WWC2: variants seen among roughly 807,000 people sequenced by gnomAD.
WWC2 encodes protein WWC2.
WWC2 carries 101 observed loss-of-function variants against 138.5 expected under a neutral mutation model. That is an observed-to-expected ratio of 0.73 (90% CI 0.62 to 0.86). The LOEUF (loss-of-function observed/expected upper bound fraction) is 0.86, where lower values mean the gene tolerates loss of function less well. Ranked by LOEUF, WWC2 falls within the 40% of genes least tolerant of loss-of-function variation. WWC2 has a pLI of 0.00. For synonymous variants in WWC2, 558 were observed against 538.4 expected (o/e 1.04, Z -0.50); for missense variants, 1,420 against 1,419.4 (o/e 1.00, Z -0.01).
intron 1 of WWC2, among the ~76,000 whole-genome samples, chr4:183,192,731 A>G (rs1735024229): frequency 6.6e-6 from 1 of 152,154 alleles, no homozygotes; most frequent in Admixed American, 6.5e-5. Context: ...GTGCTAGTGC[A>G]TTAAATTAGA....
At chr4:183,259,428 G>T (rs964815210) in intron 9 of WWC2, among the ~76,000 whole-genome samples, 2 of 152,078 alleles carry the variant, frequency 1.3e-5, no homozygotes, top group African/African-American at 4.8e-5. Context: ...CAGTGACATG[G>T]TGATGGGGCA....
chr4:183,312,270 T>C (rs1385390559), intron 21 of WWC2, 71 bp from the exon 22 acceptor site: 2 of 1,580,762 alleles, frequency 1.3e-6, no homozygotes, highest in African/African-American at 2.7e-5. Context: ...TCTTTGAAGC[T>C]TCATAGGATG....
chr4:183,189,260 C>T (rs910696503), intron 1 of WWC2, among the ~76,000 whole-genome samples: 1 of 151,458 alleles, frequency 6.6e-6, no homozygotes, highest in Admixed American at 6.6e-5. Flanking sequence ...CATGGTGAAA[C>T]CCCGTCTCTA....
At chr4:183,254,068 C>A in intron 9 of WWC2, 69 bp downstream of exon 9, 1 of 1,548,808 alleles carries the variant, frequency 6.5e-7, no homozygotes, top group Non-Finnish European at 8.7e-7. Flanking sequence ...TACTATTTTC[C>A]CTGGGTTTGG....
At chr4:183,142,795 A>G (rs1399036915) in intron 1 of WWC2, among the ~76,000 whole-genome samples, 1 of 152,224 alleles carries the variant, frequency 6.6e-6, no homozygotes, top group African/African-American at 2.4e-5. Flanking sequence ...GCAGCAGGCT[A>G]ATGTTACCCA....
chr4:183,285,291 G>A (rs1049370802), intron 19 of WWC2, among the ~76,000 whole-genome samples: 21 of 152,140 alleles, frequency 1.4e-4, no homozygotes, highest in Non-Finnish European at 2.4e-4. Flanking sequence ...GGCCGAGAGC[G>A]TTCTAGATAG....
At chr4:183,308,448 C>T (rs36067373) in intron 21 of WWC2, among the ~76,000 whole-genome samples, 35,230 of 151,954 alleles carry the variant, frequency 0.23, 4,294 homozygotes, top group Non-Finnish European at 0.27. Context: ...GGAGGACTGA[C>T]GCTACCTGAC....
At chr4:183,171,832 ACTGACTTCCCGCC>A (rs1734293542) in intron 1 of WWC2, among the ~76,000 whole-genome samples, 1 of 152,226 alleles carries the variant, frequency 6.6e-6, no homozygotes, top group South Asian at 2.1e-4. Context: ...GATTTTGAGA[ACTGACTTCCCGCC>A]CTGGTTGAGG....
At chr4:183,242,093 A>G (rs1308719526) in intron 5 of WWC2, among the ~76,000 whole-genome samples, 7 of 152,214 alleles carry the variant, frequency 4.6e-5, no homozygotes, top group Non-Finnish European at 8.8e-5. Context: ...AACCGAGAGC[A>G]GAAAGATATG....
chr4:183,237,298 ATT>A (rs112907901), intron 4 of WWC2, among the ~76,000 whole-genome samples: 5 of 141,586 alleles, frequency 3.5e-5, no homozygotes, highest in African/African-American at 7.7e-5. Context: ...TTTAGGACTG[ATT>A]TTTTTTTTTT....
chr4:183,289,418 G>T lies in WWC2; in HGVS notation c.3167G>T (p.Arg1056Ile). 1.9e-6 allele frequency: 3 copies of T among 1,611,948 alleles called. No homozygotes were observed. Among genetic ancestry groups the T allele is most frequent in the South Asian group, 2.2e-5 (2 of 90,512 alleles). ...ACGGTTTGCCAGTCAGTCCTTAGAA[G>T]AACAACACAGGAATGCCCAGTGCGG... Reference protein sequence around the residue: ...KRTVCQSVLRRTTQECPVRTS... With the variant: ...KRTVCQSVLRITTQECPVRTS... Residue 1056 changes from arginine to isoleucine, a missense_variant, in exon 21 of 23, where the codon AGA becomes ATA. Transcript: ENST00000403733.
chr4:183,294,678 C>G (rs775004723), intron 21 of WWC2, among the ~76,000 whole-genome samples: 1 of 152,142 alleles, frequency 6.6e-6, no homozygotes, highest in Non-Finnish European at 1.5e-5. Flanking sequence ...TTGGCAGATC[C>G]GAACAGTATG....
At chr4:183,149,605 A>G (rs1437675775) in intron 1 of WWC2, among the ~76,000 whole-genome samples, 7 of 150,658 alleles carry the variant, frequency 4.6e-5, no homozygotes, top group Admixed American at 4.0e-4. Flanking sequence ...CTGGGCAACA[A>G]GAGTGAAACT....
chr4:183,191,902 T>C (rs2111207241), intron 1 of WWC2, among the ~76,000 whole-genome samples: 1 of 152,150 alleles, frequency 6.6e-6, no homozygotes, highest in South Asian at 2.1e-4. Flanking sequence ...TAATTTTTTA[T>C]TTTTTTAGAG....
chr4:183,271,680 C>T (rs2111383359), intron 16 of WWC2, among the ~76,000 whole-genome samples: 1 of 152,230 alleles, frequency 6.6e-6, no homozygotes, highest in African/African-American at 2.4e-5. Flanking sequence ...TCATTTGTAA[C>T]ATCAATAGCC....
intron 1 of WWC2, among the ~76,000 whole-genome samples, chr4:183,156,359 G>A (rs1261180666): frequency 7.8e-6 from 1 of 128,754 alleles, no homozygotes; most frequent in Non-Finnish European, 1.6e-5. Context: ...TTTTTGAGAC[G>A]GAGTCCCACT....
At chr4:183,168,847 A>G (rs1179039806) in intron 1 of WWC2, among the ~76,000 whole-genome samples, 1 of 152,112 alleles carries the variant, frequency 6.6e-6, no homozygotes, top group Non-Finnish European at 1.5e-5. Flanking sequence ...GGCATATAGT[A>G]TTATAATTTT....
intron 22 of WWC2, among the ~76,000 whole-genome samples, chr4:183,314,154 C>A (rs1739358256): frequency 6.6e-6 from 1 of 152,148 alleles, no homozygotes; most frequent in South Asian, 2.1e-4. Flanking sequence ...TTTCATTTTT[C>A]TGCAACACCC....
chr4:183,193,677 G>A lies in WWC2; in HGVS notation c.210G>A (p.Gln70=). ...GATGGGAAGCAGGGTTTGACCCTCA[G>A]ATTGGTGTCTACTACATCGATCACA... ...PWGWEAGFDP[Q]IGVYYIDHIN... The change falls in exon 2 of 23, where the codon CAG becomes CAA. Residue 70 remains glutamine, a synonymous_variant. Coordinates refer to ENST00000403733, the MANE Select transcript of WWC2 (RefSeq NM_024949.6). The A allele has an allele frequency of 6.2e-7, 1 of 1,613,828 alleles. No homozygotes were observed. Among genetic ancestry groups the A allele is most frequent in the Non-Finnish European group, 8.5e-7 (1 of 1,179,838 alleles).
Sources: allele counts gnomAD v4.1 joint callset (sites outside exome capture counted in the v4.1 genomes callset), GRCh38; gene constraint gnomAD v4.1.1; transcripts MANE v1.5; gene names NCBI Gene and HGNC (gene_info 2026-07-23, HGNC 2026-07-21).